AHI1: variants seen among roughly 807,000 people sequenced by gnomAD.
The protein encoded by AHI1 is jouberin.
AHI1 carries 123 observed loss-of-function variants against 149.3 expected under a neutral mutation model. That is an observed-to-expected ratio of 0.82 (90% CI 0.71 to 0.96). The LOEUF (loss-of-function observed/expected upper bound fraction) is 0.96. Among genes scored for constraint, AHI1 ranks in the 40% least tolerant of loss-of-function variants. The pLI, the probability that AHI1 is intolerant of heterozygous loss-of-function variation, is 0.00. For missense variants in AHI1, 1,439 were observed against 1,422.7 expected, an observed-to-expected ratio of 1.01 and a Z score of -0.18; for synonymous variants, 475 against 459.8, an observed-to-expected ratio of 1.03 and a Z score of -0.42.
intron 20 of AHI1, among the ~76,000 whole-genome samples, chr6:135,423,673 G>A (rs1352149679): frequency 1.3e-5 from 2 of 152,098 alleles, no homozygotes; most frequent in Non-Finnish European, 2.9e-5. Context: ...TGATTCCTGT[G>A]TTTCATAACA....
chr6:135,391,298 A>C (rs1310328400), intron 23 of AHI1, among the ~76,000 whole-genome samples: 6 of 152,196 alleles, frequency 3.9e-5, no homozygotes, highest in African/African-American at 1.4e-4. Flanking sequence ...GACCAGGTTC[A>C]TGGAAGACAA....
At chr6:135,356,478 G>T (rs1792981632) in intron 24 of AHI1, among the ~76,000 whole-genome samples, 1 of 152,162 alleles carries the variant, frequency 6.6e-6, no homozygotes, top group Non-Finnish European at 1.5e-5. Flanking sequence ...AGGTTATGGA[G>T]AAAGGGCAAA....
chr6:135,490,393 C>T (rs1795087225), intron 5 of AHI1: 1 of 649,384 alleles, frequency 1.5e-6, no homozygotes, highest in Non-Finnish European at 2.7e-6. Flanking sequence ...GGTCATTTTC[C>T]CCACTGTGTG....
At chr6:135,360,058 T>G (rs1793615265) in intron 23 of AHI1, among the ~76,000 whole-genome samples, 2 of 152,066 alleles carry the variant, frequency 1.3e-5, no homozygotes, top group Non-Finnish European at 2.9e-5. Flanking sequence ...GCATGTTTGT[T>G]CAAGCTTGCA....
At chr6:135,382,021 A>AGTTAGAT (rs1776838593) in intron 23 of AHI1, among the ~76,000 whole-genome samples, 1 of 152,252 alleles carries the variant, frequency 6.6e-6, no homozygotes, top group Non-Finnish European at 1.5e-5. Context: ...TCTCAAAAAA[A>AGTTAGAT]GGATGGAAAC....
In AHI1 at chr6:135,318,552, T is replaced by G. The variant is rs372673953; in HGVS notation, c.3393A>C (p.Lys1131Asn). The G allele has an allele frequency of 6.2e-7, 1 of 1,601,826 alleles. No individual in the cohort carries two copies. The highest frequency in any genetic ancestry group is 8.5e-7 in the Non-Finnish European group (1 of 1,173,866). Residue 1131 changes from lysine to asparagine, a missense_variant, in exon 26 of 29, where the codon AAA becomes AAC. Coordinates refer to ENST00000265602, the MANE Select transcript of AHI1 (RefSeq NM_001134831.2). ...GAGCTGGAGATTTTTCTATTTTAGT[T>G]TTTTCCTCAGGGCTTAAAGGAGGGG... ...ERSPPLSPEEKTKIEKSPAPQ... is the reference protein window; with the variant it reads ...ERSPPLSPEENTKIEKSPAPQ...
rs183297439 is a variant in AHI1, at chr6:135,324,755, T to C, written c.3166-1431A>G. On this transcript the variant is annotated intron_variant, in intron 24 of 28. Coordinates refer to ENST00000265602, the MANE Select transcript of AHI1 (RefSeq NM_001134831.2). ...TTGATAAAGTTCAGACTCAATAATATGGCCAATGGAAAGGCACAGAAAGGT... is the reference window on the plus strand; with the variant it reads ...TTGATAAAGTTCAGACTCAATAATACGGCCAATGGAAAGGCACAGAAAGGT... 4.6e-5 allele frequency among the ~76,000 whole-genome samples: 7 copies of C among 152,108 alleles called. No homozygotes were observed. The East Asian group carries it at 9.7e-4, about 21-fold the overall frequency.
chr6:135,424,086 T>C (rs1783602696), intron 20 of AHI1, among the ~76,000 whole-genome samples: 1 of 150,840 alleles, frequency 6.6e-6, no homozygotes, highest in Non-Finnish European at 1.5e-5. Flanking sequence ...TAGAAAAAAC[T>C]GTACTGTAGA....
intron 5 of AHI1, chr6:135,490,033 T>C: frequency 1.6e-6 from 1 of 607,842 alleles, no homozygotes; most frequent in Non-Finnish European, 2.9e-6. Flanking sequence ...CATAGAGCAT[T>C]AACTGTGGAT....
intron 22 of AHI1, among the ~76,000 whole-genome samples, chr6:135,402,605 C>T (rs573441827): frequency 6.6e-6 from 1 of 152,106 alleles, no homozygotes; most frequent in South Asian, 2.1e-4. Flanking sequence ...CCTCCCCTTC[C>T]CACTTCTCCA....
chr6:135,472,997 T>C (rs1238662393), intron 5 of AHI1, among the ~76,000 whole-genome samples: 1 of 152,174 alleles, frequency 6.6e-6, no homozygotes, highest in African/African-American at 2.4e-5. Context: ...TTTAGCCCTT[T>C]TTTCTTTTAT....
chr6:135,444,945 C>T (rs374943531), intron 13 of AHI1, among the ~76,000 whole-genome samples: 2 of 152,196 alleles, frequency 1.3e-5, no homozygotes, highest in Non-Finnish European at 2.9e-5. Flanking sequence ...ATTTTGAGAA[C>T]TGCTGATCTG....
intron 26 of AHI1, chr6:135,302,887 C>A: frequency 9.0e-7 from 1 of 1,115,954 alleles, no homozygotes; most frequent in Non-Finnish European, 1.2e-6. Context: ...TCGACAACGC[C>A]AAAGAACATG....
At chr6:135,424,007 C>T (rs1038539821) in intron 20 of AHI1, among the ~76,000 whole-genome samples, 3 of 151,976 alleles carry the variant, frequency 2.0e-5, no homozygotes, top group African/African-American at 7.2e-5. Flanking sequence ...AAAAGATGAA[C>T]AAGCTTCCAT....
Position 135,411,468 on chromosome 6 carries a change from A to G in AHI1, c.2841T>C (p.Asp947=). 3 of 1,613,342 alleles carry G rather than the reference A, an allele frequency of 1.9e-6. No homozygotes were observed. The highest frequency in any genetic ancestry group is 2.5e-6 in the Non-Finnish European group (3 of 1,179,522). ...GTAGTTTTGGACAGGTACATAGGGC[A>G]TCTTGACTTTGGTGTATTCCAGGTA... is the stretch of plus-strand genomic sequence containing the variant. ...FPLPGIHQSQ[D]ALCTCPKLPH... The change falls in exon 21 of 29, where the codon GAT becomes GAC. Residue 947 remains aspartate, a synonymous_variant. Transcript: ENST00000265602.
Position 135,483,446 on chromosome 6 carries a change from C to A in AHI1, c.135+7177G>T, listed in dbSNP as rs112497952. ...AATTCATAAGATGAAGAAGCTATCA[C>A]TTCTACAAAAGAACTATTATAAAAA... On this transcript the variant is annotated intron_variant, in intron 5 of 28. Transcript: ENST00000265602. Among the ~76,000 whole-genome samples the A allele has an allele frequency of 4.9e-3, 746 of 152,162 alleles. 5 individuals carry two copies. The highest frequency in any genetic ancestry group is 0.017 in the African/African-American group (700 of 41,496).
At chr6:135,344,589 AAT>A (rs1278179713) in intron 24 of AHI1, among the ~76,000 whole-genome samples, 1 of 151,466 alleles carries the variant, frequency 6.6e-6, no homozygotes, top group East Asian at 1.9e-4. Context: ...TTCCAAACCA[AAT>A]ATAGATTTGT....
At chr6:135,381,510 A>G (rs1554302139) in intron 23 of AHI1, among the ~76,000 whole-genome samples, 1 of 152,212 alleles carries the variant, frequency 6.6e-6, no homozygotes, top group Non-Finnish European at 1.5e-5. Flanking sequence ...AAGAAAGCAT[A>G]CTAAGATCAT....
chr6:135,360,732 A>C (rs961381216), intron 23 of AHI1, among the ~76,000 whole-genome samples: 5 of 152,240 alleles, frequency 3.3e-5, no homozygotes, highest in African/African-American at 1.2e-4. Flanking sequence ...ATATAGTTAA[A>C]ATGTTGATGT....
Sources: allele counts gnomAD v4.1 joint callset (sites outside exome capture counted in the v4.1 genomes callset), GRCh38; gene constraint gnomAD v4.1.1; transcripts MANE v1.5; gene names NCBI Gene and HGNC (gene_info 2026-07-23, HGNC 2026-07-21).